ABLIM2: variants seen among roughly 807,000 people sequenced by gnomAD.
The protein encoded by ABLIM2 is actin-binding LIM protein 2.
ABLIM2 carries 53 observed loss-of-function variants against 97.7 expected under a neutral mutation model. The observed-to-expected ratio is 0.54, with a 90% CI of 0.44 to 0.68. The LOEUF is 0.68. Ranked by LOEUF, ABLIM2 falls within the 30% of genes least tolerant of loss-of-function variation. The pLI, the probability that ABLIM2 is intolerant of heterozygous loss-of-function variation, is 0.00. For synonymous variants in ABLIM2, 361 were observed against 345.8 expected, an observed-to-expected ratio of 1.04 and a Z score of -0.49; for missense variants, 835 against 867.2, an observed-to-expected ratio of 0.96 and a Z score of 0.47.
At chr4:8,009,460 G>A (rs1022736647) in intron 14 of ABLIM2, among the ~76,000 whole-genome samples, 2 of 150,790 alleles carry the variant, frequency 1.3e-5, no homozygotes, top group Admixed American at 6.6e-5. Flanking sequence ...GCCATGGTGT[G>A]ATCTCGGCTC....
At position 8,127,763 on chromosome 4, in the gene ABLIM2, A is replaced by G. The variant is rs1049553992; in HGVS notation, c.11-21126T>C. 68 of 941,398 alleles carry G rather than the reference A, an allele frequency of 7.2e-5. No individual in the cohort carries two copies. Among genetic ancestry groups the G allele is most frequent in the Admixed American group, 3.7e-4 (6 of 16,058 alleles). The allele number at this position is 941,398 out of a possible 1,614,324, so 58.3% of individuals were successfully genotyped here. ...GGCAGAGCCAAGCCCTTCCCGGCAC[A>G]CTGAAATAGACTCCCGCCACACTAT... On this transcript the variant is annotated intron_variant, in intron 1 of 20. Coordinates refer to ENST00000447017, the MANE Select transcript of ABLIM2 (RefSeq NM_001130083.2). This position sits in a 1 kb window ranked among gnomAD's most constrained non-coding sequence, Gnocchi z 7.3.
At chr4:8,136,876 G>T (rs1168139569) in intron 1 of ABLIM2, among the ~76,000 whole-genome samples, 4 of 152,240 alleles carry the variant, frequency 2.6e-5, no homozygotes. Context: ...TCGCTACTAT[G>T]GTCTGAATGT....
chr4:7,969,824 A>G (rs369678896), intron 20 of ABLIM2, among the ~76,000 whole-genome samples: 3 of 151,430 alleles, frequency 2.0e-5, no homozygotes, highest in African/African-American at 7.3e-5. Context: ...TGCTATCTCG[A>G]GTTTGCAAAG....
At position 7,992,950 on chromosome 4, in the gene ABLIM2, T is replaced by C. The variant is rs1750093642; in HGVS notation, c.1619-23A>G. On this transcript the variant is annotated intron_variant, in intron 16 of 20. Transcript: ENST00000447017. The surrounding 1 kb of genome is among the most constrained non-coding windows in gnomAD (Gnocchi z 5.7). ...ATCCTGAAACAGACACAGCACAGCT[T>C]TGTCACGCGCGCAGACTCGGTGCAG... 6.2e-7 allele frequency: 1 copy of C among 1,609,810 alleles called. No individual in the cohort carries two copies. The highest frequency in any genetic ancestry group is 8.5e-7 in the Non-Finnish European group (1 of 1,177,888).
At chr4:7,995,653 ACAT>A (rs1752777573) in intron 16 of ABLIM2, among the ~76,000 whole-genome samples, 1 of 152,230 alleles carries the variant, frequency 6.6e-6, no homozygotes, top group Admixed American at 6.5e-5. Context: ...GAAAGGTTCC[ACAT>A]GGGGGTCAGG....
chr4:8,119,156 C>T (rs1041206892), intron 1 of ABLIM2, among the ~76,000 whole-genome samples: 12 of 152,088 alleles, frequency 7.9e-5, no homozygotes, highest in African/African-American at 1.9e-4. Flanking sequence ...TGTCCTGGCA[C>T]GATCACTGGT....
intron 1 of ABLIM2, among the ~76,000 whole-genome samples, chr4:8,108,296 G>C (rs2152765545): frequency 6.6e-6 from 1 of 152,358 alleles, no homozygotes; most frequent in South Asian, 2.1e-4. Context: ...GCCCAGGGCG[G>C]GCTTTCACTC....
rs570904232 is a variant in ABLIM2, at chr4:8,126,997, T to C, written c.11-20360A>G. Among the ~76,000 whole-genome samples, 70 of 151,154 alleles carry C rather than the reference T, an allele frequency of 4.6e-4. 1 individual carries two copies. The highest frequency in any genetic ancestry group is 1.9e-4 in the African/African-American group (8 of 41,106). ...GTGAGGATTACTTGAGCTCAGGAGG[T>C]TGAGGCTGCAGTAAGCCATGTTCAT... On this transcript the variant is annotated intron_variant, in intron 1 of 20. Coordinates refer to ENST00000447017, the MANE Select transcript of ABLIM2 (RefSeq NM_001130083.2).
chr4:8,130,756 G>A lies in ABLIM2; in HGVS notation c.11-24119C>T, dbSNP rs545205236. Among the ~76,000 whole-genome samples, 1 of 152,304 alleles carries A rather than the reference G, an allele frequency of 6.6e-6. No individual in the cohort carries two copies. The highest frequency in any genetic ancestry group is 2.1e-4 in the South Asian group (1 of 4,824). ...AGGGAGGGGAGAGACGGTCTGGGCA[G>A]AGAGCAGTACAACAAGGACAGGAAT... On this transcript the variant is annotated intron_variant, in intron 1 of 20. Coordinates refer to ENST00000447017, the MANE Select transcript of ABLIM2 (RefSeq NM_001130083.2). This position sits in a 1 kb window ranked among gnomAD's most constrained non-coding sequence, Gnocchi z 4.2.
rs1362378360 is a variant in ABLIM2, at chr4:8,080,749, C to A, written c.508G>T (p.Asp170Tyr). 6.2e-7 allele frequency: 1 copy of A among 1,612,602 alleles called. No homozygotes were observed. The highest frequency in any genetic ancestry group is 1.3e-5 in the African/African-American group (1 of 74,930). ...IKNGQALVAL[D>Y]KHWHLGCFKC... ...AAACAGCCCAAGTGCCAGTGCTTGT[C>A]CAAGGCTACCAGGGCCTGGCCATTC... The change falls in exon 5 of 21, where the codon GAC becomes TAC. Residue 170 changes from aspartate (D) to tyrosine (Y), a missense_variant. By Grantham distance (160) the Asp-to-Tyr change is radical. Transcript: ENST00000447017.
rs1016862745 is a variant in ABLIM2 at position 8,128,451 on chromosome 4, C to T, written c.11-21814G>A. 6.6e-6 allele frequency among the ~76,000 whole-genome samples: 1 copy of T among 152,206 alleles called. No individual in the cohort carries two copies. The highest frequency in any genetic ancestry group is 2.1e-4 in the South Asian group (1 of 4,830). On this transcript the variant is annotated intron_variant, in intron 1 of 20. Transcript: ENST00000447017. This position sits in a 1 kb window ranked among gnomAD's most constrained non-coding sequence, Gnocchi z 4.9. ...CTGCCTGCAGCTCGCAAGGCCCCTG[C>T]ATACCGAAACATGGCTAGCACCACG...
At chr4:8,013,928 C>G (rs1489978566) in intron 14 of ABLIM2, among the ~76,000 whole-genome samples, 1 of 152,326 alleles carries the variant, frequency 6.6e-6, no homozygotes, top group East Asian at 1.9e-4. Context: ...AGAGAGGGCC[C>G]TACCAGCTCC....
rs965954938 is a variant in ABLIM2, at chr4:8,046,550, C to A, written c.823-1309G>T. On this transcript the variant is annotated intron_variant, in intron 8 of 20. Coordinates refer to ENST00000447017, the MANE Select transcript of ABLIM2 (RefSeq NM_001130083.2). This position sits in a 1 kb window ranked among gnomAD's most constrained non-coding sequence, Gnocchi z 4.4. Reference sequence around the variant, plus strand: ...TGCTTCGATGGTTTCCCACCCCGACCACAGCCCCCACTGCAGCTCCCTCCT... The same window carrying A: ...TGCTTCGATGGTTTCCCACCCCGACAACAGCCCCCACTGCAGCTCCCTCCT... Among the ~76,000 whole-genome samples, 1 of 152,184 alleles carries A rather than the reference C, an allele frequency of 6.6e-6. No individual in the cohort carries two copies. The highest frequency in any genetic ancestry group is 1.5e-5 in the Non-Finnish European group (1 of 68,032).
Position 8,019,039 on chromosome 4 carries a change from A to G in ABLIM2, c.1423+579T>C, listed in dbSNP as rs886298317. Among the ~76,000 whole-genome samples, 3 of 152,140 alleles carry G rather than the reference A, an allele frequency of 2.0e-5. No homozygotes were observed. The highest frequency in any genetic ancestry group is 7.2e-5 in the African/African-American group (3 of 41,430). On this transcript the variant is annotated intron_variant, in intron 14 of 20. Transcript: ENST00000447017. This position sits in a 1 kb window ranked among gnomAD's most constrained non-coding sequence, Gnocchi z 4.3. ...GGCCCCGATTCCTGCTCCATGGCCC[A>G]CGCAAGCTGCTCCCTGCGCACCTCC... is the stretch of plus-strand genomic sequence containing the variant.
rs1845907038 is a variant in ABLIM2, at chr4:8,122,456, C to T, written c.11-15819G>A. 6.6e-6 allele frequency among the ~76,000 whole-genome samples: 1 copy of T among 152,178 alleles called. No homozygotes were observed. Among genetic ancestry groups the T allele is most frequent in the Admixed American group, 6.5e-5 (1 of 15,284 alleles). On this transcript the variant is annotated intron_variant, in intron 1 of 20. Transcript: ENST00000447017. This position sits in a 1 kb window ranked among gnomAD's most constrained non-coding sequence, Gnocchi z 4.1. Reference sequence around the variant, plus strand: ...TATTAGGGCAGCAGCATGCTCGGTCCCTGGTGAGGGCTCCCTTCCTGGCTT... The same window carrying T: ...TATTAGGGCAGCAGCATGCTCGGTCTCTGGTGAGGGCTCCCTTCCTGGCTT...
chr4:8,085,545 G>A lies in ABLIM2; in HGVS notation c.454+2624C>T, dbSNP rs1173436013. Among the ~76,000 whole-genome samples the A allele has an allele frequency of 2.1e-5, 3 of 141,876 alleles. No homozygotes were observed. Among genetic ancestry groups the A allele is most frequent in the Admixed American group, 7.1e-5 (1 of 14,124 alleles). 93.1% of individuals were successfully genotyped at this position (141,876 alleles called of 152,430 possible). ...CTGGGGGTGCCCACGCTGCAGCCCC[G>A]TCCACTCACATGGCTCTGGGGGTGC... On this transcript the variant is annotated intron_variant, in intron 4 of 20. Coordinates refer to ENST00000447017, the MANE Select transcript of ABLIM2 (RefSeq NM_001130083.2). This position sits in a 1 kb window ranked among gnomAD's most constrained non-coding sequence, Gnocchi z 6.1.
Position 8,026,150 on chromosome 4 carries a change from G to A in ABLIM2, c.1267+1609C>T, listed in dbSNP as rs955715002. On this transcript the variant is annotated intron_variant, in intron 12 of 20. Transcript: ENST00000447017. Reference sequence around the variant, plus strand: ...GCCTTCCGAGGAGTTGGGATTACAGGCATGCACCACCATGCCCGGCGTTTT... The same window carrying A: ...GCCTTCCGAGGAGTTGGGATTACAGACATGCACCACCATGCCCGGCGTTTT... Among the ~76,000 whole-genome samples, 41 of 152,218 alleles carry A rather than the reference G, an allele frequency of 2.7e-4. 2 individuals are homozygous for A. The highest frequency in any genetic ancestry group is 2.1e-4 in the South Asian group (1 of 4,832).
chr4:8,018,157 C>T (rs183744717), intron 14 of ABLIM2, among the ~76,000 whole-genome samples: 21 of 152,304 alleles, frequency 1.4e-4, no homozygotes, highest in Admixed American at 5.2e-4. Flanking sequence ...CTTCCCCTTT[C>T]TAAGGGGCAG....
chr4:8,054,795 G>C lies in ABLIM2; in HGVS notation c.764-549C>G, dbSNP rs145041109. 1.3e-3 allele frequency among the ~76,000 whole-genome samples: 204 copies of C among 152,236 alleles called. No individual in the cohort carries two copies. Among genetic ancestry groups the C allele is most frequent in the African/African-American group, 4.6e-3 (191 of 41,552 alleles). The stretch of plus-strand genomic sequence containing the variant: ...GAAGTGGGCCTGCTCCTTAGGGTAT[G>C]GGGTGAAGAACAGGTGTGTTCGGTG... On this transcript the variant is annotated intron_variant, in intron 7 of 20. Transcript: ENST00000447017. This position sits in a 1 kb window ranked among gnomAD's most constrained non-coding sequence, Gnocchi z 4.9.
Sources: gnomAD v4.1 joint callset for allele counts (sites outside exome capture counted in the v4.1 genomes callset) on GRCh38, gnomAD v4.1.1 for gene constraint, Gnocchi (gnomAD v3.1) non-coding constraint, MANE v1.5 for transcripts, NCBI Gene and HGNC (gene_info 2026-07-23, HGNC 2026-07-21) for gene names.